Variants in ARL13B observed in about 807,000 individuals in gnomAD.
The protein encoded by ARL13B is ARF like GTPase 13B, also known as ADP-ribosylation factor-like protein 13B.
A neutral mutation model predicts 56.1 loss-of-function variants in ARL13B; 36 were observed. The observed-to-expected ratio is 0.64, with a 90% CI of 0.49 to 0.85. ARL13B has a LOEUF of 0.85. ARL13B is among the 40% of genes least tolerant of loss of function. The pLI is 0.00. For missense variants in ARL13B, 519 were observed against 507.1 expected (o/e 1.02, Z -0.23); for synonymous variants, 178 against 171.1 (o/e 1.04, Z -0.32).
At chr3:93,995,094 A>G (rs2075942697) in intron 1 of ARL13B, among the ~76,000 whole-genome samples, 1 of 152,132 alleles carries the variant, frequency 6.6e-6, no homozygotes, top group South Asian at 2.1e-4. Context: ...GCAGAGTTCA[A>G]CCTAGAAAAG....
chr3:94,014,986 G>T (rs752519096), intron 3 of ARL13B: 2 of 1,613,936 alleles, frequency 1.2e-6, no homozygotes, highest in Admixed American at 1.7e-5. Flanking sequence ...TATCTCCTTT[G>T]TAATGGTAGA....
chr3:94,004,880 CAG>C (rs1383433733), intron 3 of ARL13B, among the ~76,000 whole-genome samples: 1 of 151,986 alleles, frequency 6.6e-6, no homozygotes, highest in Non-Finnish European at 1.5e-5. Context: ...GAACTTTTAA[CAG>C]GGATATGTAT....
chr3:94,023,945 AG>A (rs1189616830), intron 3 of ARL13B, among the ~76,000 whole-genome samples: 4 of 152,192 alleles, frequency 2.6e-5, no homozygotes, highest in Non-Finnish European at 5.9e-5. Context: ...CTATAAAAGA[AG>A]AAAAATAATT....
chr3:94,010,649 A>T (rs1195019658), intron 3 of ARL13B, among the ~76,000 whole-genome samples: 2 of 152,002 alleles, frequency 1.3e-5, no homozygotes, highest in African/African-American at 2.4e-5. Flanking sequence ...TTAAGTTATC[A>T]TGTTATCTGT....
chr3:94,030,241 T>C (rs2076651005), intron 3 of ARL13B, among the ~76,000 whole-genome samples: 1 of 152,068 alleles, frequency 6.6e-6, no homozygotes, highest in South Asian at 2.1e-4. Context: ...TATTTTTATT[T>C]TTTGAGACAG....
In ARL13B at chr3:94,029,986, A is replaced by T. The variant is rs142884937; in HGVS notation, c.381-5345A>T. 4.3e-3 allele frequency among the ~76,000 whole-genome samples: 662 copies of T among 152,314 alleles called. 1 individual carries two copies. Among genetic ancestry groups the T allele is most frequent in the Middle Eastern group, 0.02 (6 of 294 alleles). On this transcript the variant is annotated intron_variant, in intron 3 of 9. Transcript: ENST00000394222. ...AGATATAAATATTGTATATATACACAAATACATAAACCAGTCAATAGCATT... is the reference window on the plus strand; with the variant it reads ...AGATATAAATATTGTATATATACACTAATACATAAACCAGTCAATAGCATT...
chr3:93,996,286 C>A, intron 2 of ARL13B, among the ~76,000 whole-genome samples: 1 of 152,102 alleles, frequency 6.6e-6, no homozygotes, highest in East Asian at 1.9e-4. Flanking sequence ...TTACATTTTC[C>A]TGGCCAGAAG....
Position 94,045,713 on chromosome 3 carries a change from G to A in ARL13B, c.1024+2473G>A, listed in dbSNP as rs1256383157. 6.6e-5 allele frequency among the ~76,000 whole-genome samples: 10 copies of A among 151,556 alleles called. 1 individual carries two copies. The highest frequency in any genetic ancestry group is 1.9e-4 in the East Asian group (1 of 5,150). On this transcript the variant is annotated intron_variant, in intron 7 of 9. Coordinates refer to ENST00000394222, the MANE Select transcript of ARL13B (RefSeq NM_001174150.2). ...CACAGTGGCTCATACCTGTAATCCCGACACTTTGGGAGGCTGAGGCGGGAG... is the reference window on the plus strand; with the variant it reads ...CACAGTGGCTCATACCTGTAATCCCAACACTTTGGGAGGCTGAGGCGGGAG...
chr3:94,043,315 T>C (rs990895501), intron 7 of ARL13B, 75 bp downstream of exon 7: 1 of 1,337,092 alleles, frequency 7.5e-7, no homozygotes, highest in African/African-American at 1.5e-5. Context: ...TCATTTTTTA[T>C]GTTTGTTTTT....
chr3:93,998,488 T>A (rs2076002391), intron 2 of ARL13B, among the ~76,000 whole-genome samples: 1 of 152,168 alleles, frequency 6.6e-6, no homozygotes, highest in South Asian at 2.1e-4. Context: ...TACTTTGAAA[T>A]TTTTTTAGGA....
At chr3:94,040,269 ATCTAT>A (rs1470684984) in intron 6 of ARL13B, among the ~76,000 whole-genome samples, 1 of 152,136 alleles carries the variant, frequency 6.6e-6, no homozygotes, top group East Asian at 1.9e-4. Flanking sequence ...GTGTTGACAA[ATCTAT>A]TCTGTCATTT....
At chr3:93,993,149 A>G (rs34029886) in intron 1 of ARL13B, among the ~76,000 whole-genome samples, 14,942 of 151,522 alleles carry the variant, frequency 0.099, 761 homozygotes, top group Middle Eastern at 0.21. Context: ...TTTTTGAGAT[A>G]CAGTCCTGCT....
chr3:94,047,127 G>T (rs772551947), intron 7 of ARL13B, among the ~76,000 whole-genome samples: 22 of 152,090 alleles, frequency 1.4e-4, no homozygotes, highest in Non-Finnish European at 2.4e-4. Context: ...CATGAGATGC[G>T]CCCTATAATT....
chr3:94,042,981 C>A, intron 6 of ARL13B, 34 bp from the exon 7 acceptor site: 1 of 1,511,112 alleles, frequency 6.6e-7, no homozygotes, highest in Non-Finnish European at 9.0e-7. Context: ...ATAAAACCAT[C>A]ATAGTAAAGA....
intron 3 of ARL13B, among the ~76,000 whole-genome samples, chr3:94,015,620 T>A (rs969034589): frequency 3.3e-5 from 5 of 152,112 alleles, no homozygotes; most frequent in Non-Finnish European, 1.5e-5. Flanking sequence ...CTTCAACCTA[T>A]AGGATTAGTC....
At chr3:94,018,984 G>A (rs1020030398) in intron 3 of ARL13B, among the ~76,000 whole-genome samples, 4 of 151,624 alleles carry the variant, frequency 2.6e-5, no homozygotes, top group Admixed American at 1.3e-4. Context: ...CAGGCTGGTC[G>A]CAAACTCCTG....
At chr3:94,037,086 A>G (rs532818197) in intron 5 of ARL13B, among the ~76,000 whole-genome samples, 3 of 152,222 alleles carry the variant, frequency 2.0e-5, no homozygotes, top group African/African-American at 7.2e-5. Context: ...GTCTGGAGAC[A>G]TTTTTAGTTT....
rs140791294 is a variant in ARL13B, at chr3:94,014,422, A to G, written c.380+10514A>G. The G allele has an allele frequency of 7.2e-5, 113 of 1,576,050 alleles. No individual in the cohort carries two copies. In the African/African-American group the frequency reaches 1.3e-3, roughly 18 times the overall value. On this transcript the variant is annotated intron_variant, in intron 3 of 9. Transcript: ENST00000394222. ...ACAGCATGGACAGCACCAACAACAC[A>G]GTACTCTGCAAGGATTTCTTTTTTT...
intron 3 of ARL13B, among the ~76,000 whole-genome samples, chr3:94,030,441 G>C (rs950610482): frequency 6.7e-6 from 1 of 148,484 alleles, no homozygotes; most frequent in Non-Finnish European, 1.5e-5. Flanking sequence ...CACCATGTTG[G>C]CAAAGCTGGT....
Sources: allele counts gnomAD v4.1 joint callset (sites outside exome capture counted in the v4.1 genomes callset), GRCh38; gene constraint gnomAD v4.1.1; transcripts MANE v1.5; gene names NCBI Gene and HGNC (gene_info 2026-07-23, HGNC 2026-07-21).